The following ZFYVE28 variants were observed in gnomAD, a reference collection of about 807,000 sequenced individuals.
ZFYVE28 encodes the protein zinc finger FYVE-type containing 28.
In ZFYVE28, 40 loss-of-function variants were observed where a neutral mutation model predicts 82.1. That is an observed-to-expected ratio of 0.49 (90% CI 0.38 to 0.63). The LOEUF is 0.63. ZFYVE28 is among the 30% of genes least tolerant of loss of function. The pLI is 0.00. For synonymous variants in ZFYVE28, 612 were observed against 546.1 expected, an observed-to-expected ratio of 1.12 and a Z score of -1.68; for missense variants, 1,321 against 1,242.1, an observed-to-expected ratio of 1.06 and a Z score of -0.96.
At chr4:2,370,235 G>A (rs1326172575) in intron 1 of ZFYVE28, among the ~76,000 whole-genome samples, 4 of 152,088 alleles carry the variant, frequency 2.6e-5, no homozygotes, top group African/African-American at 4.8e-5. Context: ...ACAGCACCAC[G>A]ATTACCTGAT....
At chr4:2,353,692 C>T (rs1724807257) in intron 2 of ZFYVE28, among the ~76,000 whole-genome samples, 2 of 152,166 alleles carry the variant, frequency 1.3e-5, no homozygotes, top group African/African-American at 2.4e-5. Context: ...CCCCCTGCCC[C>T]CGCTCTCCCA....
At chr4:2,323,781 A>G (rs1360242922) in intron 6 of ZFYVE28, among the ~76,000 whole-genome samples, 1 of 144,154 alleles carries the variant, frequency 6.9e-6, no homozygotes, top group Non-Finnish European at 1.5e-5. Context: ...CCTATGAGTG[A>G]GAATATGCGG....
In ZFYVE28 at chr4:2,394,865, C is replaced by G. The variant is rs1730262534; in HGVS notation, c.39+23420G>C. On this transcript the variant is annotated intron_variant, in intron 1 of 12. Transcript: ENST00000290974. This position sits in a 1 kb window ranked among gnomAD's most constrained non-coding sequence, Gnocchi z 4.0. ...ACAGTGGGTGGCACAGGGCAGGTGCCTCGCAAATTCAAGGGACTATCATTC... is the reference window on the plus strand; with the variant it reads ...ACAGTGGGTGGCACAGGGCAGGTGCGTCGCAAATTCAAGGGACTATCATTC... 6.6e-6 allele frequency among the ~76,000 whole-genome samples: 1 copy of G among 152,236 alleles called. No individual in the cohort carries two copies. The highest frequency in any genetic ancestry group is 6.5e-5 in the Admixed American group (1 of 15,290).
Position 2,320,339 on chromosome 4 carries a change from C to A in ZFYVE28, c.702-68G>T. The A allele has an allele frequency of 6.8e-7, 1 of 1,472,680 alleles. No individual in the cohort carries two copies. The highest frequency in any genetic ancestry group is 9.3e-7 in the Non-Finnish European group (1 of 1,075,228). 91.2% of individuals were successfully genotyped at this position (1,472,680 alleles called of 1,614,324 possible). On this transcript the variant is annotated intron_variant, in intron 6 of 12. Transcript: ENST00000290974. This position sits in a 1 kb window ranked among gnomAD's most constrained non-coding sequence, Gnocchi z 5.1. ...CCCCTGGGTGCCGCGGACGGCCCAACTTAACCACCTGCGAAAACCACGCCC... is the reference window on the plus strand; with the variant it reads ...CCCCTGGGTGCCGCGGACGGCCCAAATTAACCACCTGCGAAAACCACGCCC...
At chr4:2,334,851 C>T (rs1721394310) in intron 6 of ZFYVE28, among the ~76,000 whole-genome samples, 1 of 73,566 alleles carries the variant, frequency 1.4e-5, no homozygotes, top group South Asian at 6.4e-4. Flanking sequence ...CTTCCCCCTC[C>T]CCACTTCCGC....
chr4:2,365,151 G>A (rs1171186542), intron 1 of ZFYVE28, among the ~76,000 whole-genome samples: 1 of 151,894 alleles, frequency 6.6e-6, no homozygotes, highest in African/African-American at 2.4e-5. Context: ...ATGCGGCGGG[G>A]GGACGGGGAG....
intron 8 of ZFYVE28, among the ~76,000 whole-genome samples, chr4:2,295,289 G>A (rs1473295544): frequency 6.6e-6 from 1 of 151,634 alleles, no homozygotes; most frequent in Admixed American, 6.6e-5. Context: ...AGCCTCCCAA[G>A]TAGCTGGGAT....
chr4:2,400,005 G>T (rs963980319), intron 1 of ZFYVE28, among the ~76,000 whole-genome samples: 3 of 152,212 alleles, frequency 2.0e-5, no homozygotes, highest in Non-Finnish European at 4.4e-5. Flanking sequence ...CACGCAGCAC[G>T]CACAGGGCGG....
chr4:2,363,764 C>T (rs1161595127), intron 1 of ZFYVE28, among the ~76,000 whole-genome samples: 4 of 152,200 alleles, frequency 2.6e-5, no homozygotes, highest in African/African-American at 7.2e-5. Context: ...CTGTTCTCCA[C>T]GAAGTAGGAG....
intron 8 of ZFYVE28, among the ~76,000 whole-genome samples, chr4:2,276,189 C>G (rs1736425683): frequency 6.6e-6 from 1 of 151,786 alleles, no homozygotes; most frequent in Non-Finnish European, 1.5e-5. Flanking sequence ...CACGGGGCCC[C>G]CTCCCTCATG....
chr4:2,360,744 T>C (rs996297536), intron 1 of ZFYVE28, among the ~76,000 whole-genome samples: 1 of 152,190 alleles, frequency 6.6e-6, no homozygotes, highest in South Asian at 2.1e-4. Flanking sequence ...TTTCTAAGTA[T>C]GCAGAGTATA....
intron 2 of ZFYVE28, among the ~76,000 whole-genome samples, chr4:2,353,633 C>G (rs1490509449): frequency 6.6e-6 from 1 of 152,146 alleles, no homozygotes; most frequent in Admixed American, 6.5e-5. Context: ...GGCAGGCCCA[C>G]CCCTCCCACA....
At chr4:2,336,672 G>A (rs1189776995) in intron 5 of ZFYVE28, among the ~76,000 whole-genome samples, 1 of 151,962 alleles carries the variant, frequency 6.6e-6, no homozygotes, top group Non-Finnish European at 1.5e-5. Context: ...GTGAGGATGT[G>A]AGGATTGAGG....
intron 7 of ZFYVE28, among the ~76,000 whole-genome samples, chr4:2,317,621 G>C (rs1207344373): frequency 6.6e-6 from 1 of 151,964 alleles, no homozygotes; most frequent in African/African-American, 2.4e-5. Flanking sequence ...TGTGCTCACG[G>C]CATGCTTTTT....
intron 1 of ZFYVE28, among the ~76,000 whole-genome samples, chr4:2,390,995 T>C (rs1020926828): frequency 6.6e-6 from 1 of 152,210 alleles, no homozygotes; most frequent in Admixed American, 6.5e-5. Context: ...AGTCATTTCA[T>C]AGAAGACAGC....
intron 8 of ZFYVE28, among the ~76,000 whole-genome samples, chr4:2,293,613 C>T (rs374471972): frequency 3.1e-4 from 47 of 151,914 alleles, no homozygotes; most frequent in Non-Finnish European, 2.4e-4. Flanking sequence ...ATTAGCTGGG[C>T]GTAGTGGCAG....
chr4:2,343,192 AC>A (rs760762343), intron 2 of ZFYVE28: 4 of 152,104 alleles, frequency 2.6e-5, no homozygotes, highest in Non-Finnish European at 5.9e-5. Flanking sequence ...CTTCCTTAGG[AC>A]CCACTGATTG....
At chr4:2,391,641 C>G (rs1456594671) in intron 1 of ZFYVE28, among the ~76,000 whole-genome samples, 1 of 151,738 alleles carries the variant, frequency 6.6e-6, no homozygotes, top group Non-Finnish European at 1.5e-5. Flanking sequence ...AACTCTCCCT[C>G]CCCATTCCAC....
At position 2,341,266 on chromosome 4, in the gene ZFYVE28, G is replaced by A; in HGVS notation, c.318+212C>T. On this transcript the variant is annotated intron_variant, in intron 3 of 12. Coordinates refer to ENST00000290974, the MANE Select transcript of ZFYVE28 (RefSeq NM_020972.3). This position sits in a 1 kb window ranked among gnomAD's most constrained non-coding sequence, Gnocchi z 4.5. Reference sequence around the variant, plus strand: ...ATGGGAAATTTCATTTGTATGTATAGTTTTGGGGGCACCAGTTCATGGCTT... The same window carrying A: ...ATGGGAAATTTCATTTGTATGTATAATTTTGGGGGCACCAGTTCATGGCTT... 1.6e-6 allele frequency: 1 copy of A among 641,806 alleles called. No homozygotes were observed. The allele number at this position is 641,806 out of a possible 1,614,324, so 39.8% of individuals were successfully genotyped here.
Sources: gnomAD v4.1 joint callset for allele counts (sites outside exome capture counted in the v4.1 genomes callset) on GRCh38, gnomAD v4.1.1 for gene constraint, Gnocchi (gnomAD v3.1) non-coding constraint, MANE v1.5 for transcripts, NCBI Gene and HGNC (gene_info 2026-07-23, HGNC 2026-07-21) for gene names.